Variants in MAPRE1 observed in about 807,000 individuals in gnomAD.
MAPRE1 encodes the protein microtubule associated protein RP/EB family member 1, also known as microtubule-associated protein RP/EB family member 1.
MAPRE1 carries 5 observed loss-of-function variants against 32.1 expected under a neutral mutation model. The ratio of observed to expected loss-of-function variants is 0.16; its 90% confidence interval spans 0.08 to 0.33. The LOEUF (loss-of-function observed/expected upper bound fraction) is 0.33. MAPRE1 is among the 10% of genes least tolerant of loss of function. The probability of loss-of-function intolerance (pLI) is 1.00; values close to 1 mark genes in which losing one functional copy is unlikely to be tolerated. For synonymous variants in MAPRE1, 122 were observed against 118.9 expected (o/e 1.03, Z -0.17); for missense variants, 209 against 327.2 (o/e 0.64, Z 2.79).
intron 3 of MAPRE1, among the ~76,000 whole-genome samples, chr20:32,836,366 G>A (rs1737743629): frequency 1.3e-5 from 2 of 152,216 alleles, no homozygotes; most frequent in Admixed American, 6.5e-5. Flanking sequence ...GGATGGATGT[G>A]TGTATGTGAC....
intron 4 of MAPRE1, 89 bp downstream of exon 4, chr20:32,836,930 G>C (rs917188824): frequency 2.6e-6 from 3 of 1,137,714 alleles, no homozygotes; most frequent in African/African-American, 3.1e-5. Flanking sequence ...GTAGCCATAG[G>C]CTTAGGGATC....
chr20:32,833,879 T>G lies in MAPRE1; in HGVS notation c.267+17T>G, dbSNP rs552385960. The stretch of plus-strand genomic sequence containing the variant: ...GTTGACAAAGTAAGTAAACGTTATC[T>G]TTTATTGTGGTTAATGTTCCTTAAT... On this transcript the variant is annotated intron_variant, in intron 3 of 6. Transcript: ENST00000375571. 6.2e-7 allele frequency: 1 copy of G among 1,606,900 alleles called. No homozygotes were observed. Among genetic ancestry groups the G allele is most frequent in the South Asian group, 1.1e-5 (1 of 90,338 alleles).
upstream of MAPRE1, chr20:32,819,941 G>C (rs1601155785): frequency 6.6e-6 from 1 of 151,784 alleles, no homozygotes; most frequent in South Asian, 2.1e-4. Context: ...CATCGCGCGG[G>C]CGGGCGGGCG....
intron 6 of MAPRE1, among the ~76,000 whole-genome samples, chr20:32,848,403 A>G (rs534357342): frequency 4.1e-4 from 62 of 152,320 alleles, no homozygotes; most frequent in African/African-American, 1.3e-3. Flanking sequence ...TTTAAAATGT[A>G]CCTTTGATGA....
chr20:32,830,959 C>T (rs1318959187), intron 2 of MAPRE1, among the ~76,000 whole-genome samples: 3 of 152,090 alleles, frequency 2.0e-5, no homozygotes, highest in African/African-American at 4.8e-5. Flanking sequence ...CTCCTGACCT[C>T]GTGATCCGCC....
intron 1 of MAPRE1, among the ~76,000 whole-genome samples, chr20:32,821,906 A>G (rs975293900): frequency 2.0e-5 from 3 of 152,054 alleles, no homozygotes; most frequent in Admixed American, 2.0e-4. Context: ...TAAGGGTGAG[A>G]TTTGTGTGGT....
chr20:32,825,530 C>T (rs1429616029), intron 1 of MAPRE1, among the ~76,000 whole-genome samples: 2 of 152,120 alleles, frequency 1.3e-5, no homozygotes, highest in African/African-American at 4.8e-5. Context: ...CGCAGTGGCT[C>T]ACACCTGTAA....
chr20:32,831,013 C>T lies in MAPRE1; in HGVS notation c.122-2704C>T, dbSNP rs1010317928. Among the ~76,000 whole-genome samples, 32 of 152,230 alleles carry T rather than the reference C, an allele frequency of 2.1e-4. 1 individual carries two copies. The highest frequency in any genetic ancestry group is 3.2e-4 in the Non-Finnish European group (22 of 67,998). ...TGCTGGGATTACAGGTGTGAGCCAC[C>T]GCGCCCAGCCTCTTCAAACATTTTT... is the stretch of plus-strand genomic sequence containing the variant. On this transcript the variant is annotated intron_variant, in intron 2 of 6. Coordinates refer to ENST00000375571, the MANE Select transcript of MAPRE1 (RefSeq NM_012325.3).
chr20:32,840,858 C>G (rs1035147362), intron 5 of MAPRE1, among the ~76,000 whole-genome samples: 3 of 152,152 alleles, frequency 2.0e-5, no homozygotes, highest in Non-Finnish European at 4.4e-5. Context: ...CTGTGTCGCC[C>G]AGGCTGGAGT....
chr20:32,835,863 C>T (rs1282463540), intron 3 of MAPRE1, among the ~76,000 whole-genome samples: 3 of 152,092 alleles, frequency 2.0e-5, no homozygotes, highest in South Asian at 2.1e-4. Flanking sequence ...GCCTTGACCT[C>T]CCAAAGTGTT....
intron 3 of MAPRE1, among the ~76,000 whole-genome samples, chr20:32,834,792 ATATAAAAG>A (rs1253621892): frequency 6.6e-6 from 1 of 152,204 alleles, no homozygotes; most frequent in Non-Finnish European, 1.5e-5. Context: ...TGTCTAAAGT[ATATAAAAG>A]TAATAATAGT....
chr20:32,835,473 C>A (rs1211657697), intron 3 of MAPRE1, among the ~76,000 whole-genome samples: 1 of 148,982 alleles, frequency 6.7e-6, no homozygotes, highest in Admixed American at 6.7e-5. Flanking sequence ...GGCAGCCCTG[C>A]CCCCAGCAAG....
intron 2 of MAPRE1, among the ~76,000 whole-genome samples, chr20:32,828,939 G>GT (rs201053901): frequency 0.032 from 4,719 of 149,250 alleles, 98 homozygotes; most frequent in Non-Finnish European, 0.048. Flanking sequence ...TTTGTCAGTT[G>GT]TTTTTTTTTT....
Position 32,824,268 on chromosome 20 carries a change from C to CGGTTGACTACACT in MAPRE1, c.-3-1653_-3-1641dup, listed in dbSNP as rs1335734893. 6.6e-5 allele frequency among the ~76,000 whole-genome samples: 10 copies of CGGTTGACTACACT among 152,350 alleles called. No individual in the cohort carries two copies. In the East Asian group the frequency reaches 1.7e-3, roughly 26 times the overall value. On this transcript the variant is annotated intron_variant, in intron 1 of 6. Coordinates refer to ENST00000375571, the MANE Select transcript of MAPRE1 (RefSeq NM_012325.3). ...TAGTAAACATTTGTAGAATGAGTGA[C>CGGTTGACTACACT]GGTTGACTACACTGGTGCTCATAGA...
rs368702666 is a variant in MAPRE1 at position 32,836,851 on chromosome 20, C to T, written c.475+10C>T. ...ACTTCTAGCAGTGCAGGTAAAAAAA[C>T]AACCCCAAAACGTTTCCAAAAAATA... is the stretch of plus-strand genomic sequence containing the variant. On this transcript the variant is annotated intron_variant, in intron 4 of 6. Coordinates refer to ENST00000375571, the MANE Select transcript of MAPRE1 (RefSeq NM_012325.3). The T allele has an allele frequency of 4.5e-5, 72 of 1,584,954 alleles. 1 individual carries two copies. The highest frequency in any genetic ancestry group is 2.6e-4 in the African/African-American group (19 of 72,818).
intron 1 of MAPRE1, 143 bp from the exon 2 acceptor site, chr20:32,825,780 ACT>A (rs1310129319): frequency 9.2e-6 from 5 of 544,872 alleles, no homozygotes; most frequent in African/African-American, 3.8e-5. Flanking sequence ...ACAGAGTGAG[ACT>A]CTGTCTCAAA....
intron 1 of MAPRE1, among the ~76,000 whole-genome samples, chr20:32,824,231 A>G (rs886511321): frequency 6.6e-6 from 1 of 152,272 alleles, no homozygotes; most frequent in African/African-American, 2.4e-5. Context: ...AGTGCCTAGC[A>G]CGCGGTAGAG....
chr20:32,837,898 A>G (rs1016863408), intron 4 of MAPRE1, among the ~76,000 whole-genome samples: 2 of 152,276 alleles, frequency 1.3e-5, no homozygotes, highest in South Asian at 2.1e-4. Flanking sequence ...AGTCTGGCCA[A>G]CATGGTGAAA....
chr20:32,823,992 A>T (rs879696433), intron 1 of MAPRE1, among the ~76,000 whole-genome samples: 1 of 152,322 alleles, frequency 6.6e-6, no homozygotes, highest in Non-Finnish European at 1.5e-5. Flanking sequence ...GGAGAGCCCT[A>T]TCTCTAGAGC....
Sources: gnomAD v4.1 joint callset for allele counts (sites outside exome capture counted in the v4.1 genomes callset) on GRCh38, gnomAD v4.1.1 for gene constraint, MANE v1.5 for transcripts, NCBI Gene and HGNC (gene_info 2026-07-23, HGNC 2026-07-21) for gene names.